The following SYT1 variants were observed in gnomAD, a reference collection of about 807,000 sequenced individuals.
SYT1 encodes synaptotagmin 1.
In SYT1, 8 loss-of-function variants were observed where a neutral mutation model predicts 44.8. The observed-to-expected ratio is 0.18, with a 90% CI of 0.10 to 0.32. SYT1 has a LOEUF of 0.32. Among genes scored for constraint, SYT1 ranks in the 10% least tolerant of loss-of-function variants. SYT1 has a pLI of 1.00. For synonymous variants in SYT1, 154 were observed against 188.8 expected (o/e 0.82, Z 1.51); for missense variants, 286 against 509.3 (o/e 0.56, Z 4.22).
chr12:78,965,158 C>A (rs966615497), intron 1 of SYT1, among the ~76,000 whole-genome samples: 2 of 151,950 alleles, frequency 1.3e-5, no homozygotes, highest in African/African-American at 4.8e-5. Context: ...TTTAATCTTC[C>A]TCTATTTGTT....
chr12:79,326,578 A>G (rs1034023555), intron 8 of SYT1, among the ~76,000 whole-genome samples: 3 of 152,214 alleles, frequency 2.0e-5, no homozygotes, highest in Admixed American at 2.0e-4. Context: ...AAAAATAGAG[A>G]TGTTTGACAT....
chr12:79,154,708 A>T (rs1870488170), intron 3 of SYT1, among the ~76,000 whole-genome samples: 1 of 152,166 alleles, frequency 6.6e-6, no homozygotes, highest in African/African-American at 2.4e-5. Context: ...AGAGAACTTC[A>T]AACACTTCGT....
chr12:79,073,919 G>A (rs996172742), intron 3 of SYT1, among the ~76,000 whole-genome samples: 2 of 152,026 alleles, frequency 1.3e-5, no homozygotes, highest in Non-Finnish European at 2.9e-5. Context: ...AAAATAATGA[G>A]CAACTTAATT....
chr12:79,232,447 T>C (rs1239400496), intron 4 of SYT1, among the ~76,000 whole-genome samples: 1 of 152,174 alleles, frequency 6.6e-6, no homozygotes, highest in Non-Finnish European at 1.5e-5. Context: ...AGTTACTAAA[T>C]GTATTATCCA....
intron 2 of SYT1, among the ~76,000 whole-genome samples, chr12:79,019,195 G>C (rs140506509): frequency 6.6e-6 from 1 of 151,970 alleles, no homozygotes; most frequent in Admixed American, 6.6e-5. Flanking sequence ...AGAGAGAGAA[G>C]TATTGTCAAA....
intron 4 of SYT1, among the ~76,000 whole-genome samples, chr12:79,279,580 C>A (rs1878930078): frequency 6.6e-6 from 1 of 151,926 alleles, no homozygotes; most frequent in Non-Finnish European, 1.5e-5. Context: ...ATGTGTTCCC[C>A]CTAAGAACCA....
intron 3 of SYT1, among the ~76,000 whole-genome samples, chr12:79,168,900 A>G (rs555250355): frequency 1.3e-5 from 2 of 152,184 alleles, no homozygotes; most frequent in Admixed American, 6.5e-5. Flanking sequence ...CTTTGTGGCC[A>G]TTAATTCCCT....
At chr12:79,242,728 T>C (rs1876585882) in intron 4 of SYT1, among the ~76,000 whole-genome samples, 1 of 152,210 alleles carries the variant, frequency 6.6e-6, no homozygotes, top group Non-Finnish European at 1.5e-5. Context: ...CCAGGTTGTC[T>C]GCTACTACAT....
intron 4 of SYT1, among the ~76,000 whole-genome samples, chr12:79,230,484 T>C (rs1875807029): frequency 6.6e-6 from 1 of 152,140 alleles, no homozygotes; most frequent in Non-Finnish European, 1.5e-5. Flanking sequence ...AGGTATGTTA[T>C]ATTCTTATTT....
chr12:79,366,946 G>T (rs910598621), intron 9 of SYT1, among the ~76,000 whole-genome samples: 5 of 131,158 alleles, frequency 3.8e-5, no homozygotes, highest in African/African-American at 1.2e-4. Flanking sequence ...GTGTGTGTGT[G>T]TTCAAAGAAT....
chr12:78,960,201 T>A (rs1879430472), intron 1 of SYT1: 1 of 152,136 alleles, frequency 6.6e-6, no homozygotes, highest in Admixed American at 6.6e-5. Context: ...TTCTTTTAGG[T>A]AGATTTCTTT....
intron 2 of SYT1, among the ~76,000 whole-genome samples, chr12:79,041,633 T>C (rs1453160319): frequency 6.6e-6 from 1 of 152,108 alleles, no homozygotes; most frequent in African/African-American, 2.4e-5. Context: ...TCCTGCCTAA[T>C]TGCCCTGGCC....
intron 3 of SYT1, among the ~76,000 whole-genome samples, chr12:79,145,737 G>GTT (rs200045050): frequency 4.6e-5 from 6 of 129,236 alleles, no homozygotes; most frequent in Non-Finnish European, 8.6e-5. Context: ...AAACATAGTG[G>GTT]TTTTTTTTTT....
intron 3 of SYT1, among the ~76,000 whole-genome samples, chr12:79,209,297 A>G (rs977461106): frequency 6.6e-6 from 1 of 152,252 alleles, no homozygotes; most frequent in Admixed American, 6.5e-5. Flanking sequence ...GGATTTGGAA[A>G]GAATTTAAAT....
intron 9 of SYT1, among the ~76,000 whole-genome samples, chr12:79,430,974 C>G (rs1030818182): frequency 1.2e-4 from 19 of 152,202 alleles, no homozygotes; most frequent in African/African-American, 4.6e-4. Flanking sequence ...AACAGACACT[C>G]AGTGAGTGAG....
chr12:78,943,539 C>T (rs1878498438), intron 1 of SYT1, among the ~76,000 whole-genome samples: 1 of 152,072 alleles, frequency 6.6e-6, no homozygotes, highest in Admixed American at 6.6e-5. Flanking sequence ...AATCTGCCCC[C>T]ATGATCTAGT....
rs1884990253 is a variant in SYT1, at chr12:79,399,312, T to C, written c.929-44761T>C. On this transcript the variant is annotated intron_variant, in intron 9 of 10. Transcript: ENST00000261205. Reference sequence around the variant, plus strand: ...GAATTTTTTTTTTTTTTTTTGCCTTTCAAAATTCCAATCACTGTCTTCAGT... The same window carrying C: ...GAATTTTTTTTTTTTTTTTTGCCTTCCAAAATTCCAATCACTGTCTTCAGT... Among the ~76,000 whole-genome samples, 2 of 148,704 alleles carry C rather than the reference T, an allele frequency of 1.3e-5. 1 individual carries two copies. The highest frequency in any genetic ancestry group is 4.4e-4 in the South Asian group (2 of 4,522).
chr12:78,900,675 C>G (rs1315998280), intron 1 of SYT1, among the ~76,000 whole-genome samples: 2 of 151,996 alleles, frequency 1.3e-5, no homozygotes, highest in Non-Finnish European at 2.9e-5. Flanking sequence ...GCAAAGTACA[C>G]CACATAGGGC....
intron 2 of SYT1, among the ~76,000 whole-genome samples, chr12:79,021,425 C>T (rs1033203488): frequency 4.0e-5 from 6 of 151,856 alleles, no homozygotes; most frequent in Admixed American, 2.0e-4. Context: ...TTTCTCCATG[C>T]ACAGTGATCC....
Sources: allele counts gnomAD v4.1 joint callset (sites outside exome capture counted in the v4.1 genomes callset), GRCh38; gene constraint gnomAD v4.1.1; transcripts MANE v1.5; gene names NCBI Gene and HGNC (gene_info 2026-07-23, HGNC 2026-07-21).